CADPS: variants seen among roughly 807,000 people sequenced by gnomAD.
CADPS encodes the protein calcium-dependent secretion activator 1.
In CADPS, 57 loss-of-function variants were observed where a neutral mutation model predicts 167.3. The ratio of observed to expected loss-of-function variants is 0.34; its 90% confidence interval spans 0.28 to 0.42. The LOEUF is 0.42. Among genes scored for constraint, CADPS ranks in the 20% least tolerant of loss-of-function variants. The pLI is 1.00. For synonymous variants in CADPS, 676 were observed against 635.3 expected (o/e 1.06, Z -0.96); for missense variants, 1,414 against 1,738.1 (o/e 0.81, Z 3.32).
At chr3:62,827,590 A>C (rs1226696370) in intron 1 of CADPS, among the ~76,000 whole-genome samples, 2 of 151,738 alleles carry the variant, frequency 1.3e-5, no homozygotes, top group Non-Finnish European at 2.9e-5. Flanking sequence ...TGTTCTGCAG[A>C]TTTTCCAAGC....
intron 1 of CADPS, among the ~76,000 whole-genome samples, chr3:62,794,778 T>TAAAAAA (rs71126555): frequency 1.0e-5 from 1 of 99,930 alleles, no homozygotes. Context: ...CGCAAGGTGG[T>TAAAAAA]AAAAAAAAAA....
intron 1 of CADPS, among the ~76,000 whole-genome samples, chr3:62,787,883 T>C (rs1439428672): frequency 4.6e-5 from 7 of 152,208 alleles, no homozygotes; most frequent in Admixed American, 3.9e-4. Flanking sequence ...TGTTAGGTAC[T>C]ATTACGATAA....
rs1247997866 is a variant in CADPS at position 62,433,977 on chromosome 3, C to CCT, written c.3777+4125_3777+4126dup. Among the ~76,000 whole-genome samples the CCT allele has an allele frequency of 2.6e-5, 4 of 152,186 alleles. No homozygotes were observed. The highest frequency in any genetic ancestry group is 9.7e-5 in the African/African-American group (4 of 41,448). Reference sequence around the variant, plus strand: ...AAGTTATTTCTTGAGCTTGTGCTTTCCTCTGTAGCTGCTGCTTTAGGAATA... The same window carrying CCT: ...AAGTTATTTCTTGAGCTTGTGCTTTCCTCTCTGTAGCTGCTGCTTTAGGAATA... On this transcript the variant is annotated intron_variant, in intron 28 of 29. Transcript: ENST00000383710. The surrounding 1 kb of genome is among the most constrained non-coding windows in gnomAD (Gnocchi z 4.7).
chr3:62,554,304 G>A (rs577157693), intron 10 of CADPS, among the ~76,000 whole-genome samples: 120 of 152,238 alleles, frequency 7.9e-4, no homozygotes, highest in African/African-American at 2.7e-3. Flanking sequence ...AAATGAACAC[G>A]TCAAGGACCC....
intron 4 of CADPS, among the ~76,000 whole-genome samples, chr3:62,659,445 C>G (rs2072600474): frequency 6.6e-6 from 1 of 152,134 alleles, no homozygotes; most frequent in African/African-American, 2.4e-5. Flanking sequence ...GAGGGAAAAG[C>G]AGGTACATGG....
intron 21 of CADPS, among the ~76,000 whole-genome samples, 181 bp from the exon 22 acceptor site, chr3:62,482,050 G>A (rs576953911): frequency 6.6e-6 from 1 of 152,330 alleles, no homozygotes; most frequent in African/African-American, 2.4e-5. Flanking sequence ...TCTGTATCCA[G>A]AGAAATGACA....
intron 26 of CADPS, among the ~76,000 whole-genome samples, chr3:62,452,191 G>A (rs1337090767): frequency 6.6e-6 from 1 of 152,198 alleles, no homozygotes; most frequent in African/African-American, 2.4e-5. Flanking sequence ...GGCATGATCA[G>A]TTCAAAAGGC....
At chr3:62,530,037 A>G (rs1254593343) in intron 13 of CADPS, among the ~76,000 whole-genome samples, 2 of 152,206 alleles carry the variant, frequency 1.3e-5, no homozygotes, top group African/African-American at 4.8e-5. Context: ...GGACATAGGA[A>G]ACAGGACAGG....
At chr3:62,767,316 G>C (rs966106874) in intron 1 of CADPS, among the ~76,000 whole-genome samples, 1 of 152,156 alleles carries the variant, frequency 6.6e-6, no homozygotes, top group African/African-American at 2.4e-5. Flanking sequence ...ATTGACCTGA[G>C]AGTGAAGAGC....
intron 3 of CADPS, among the ~76,000 whole-genome samples, chr3:62,716,269 G>A (rs973792196): frequency 6.6e-6 from 1 of 151,910 alleles, no homozygotes; most frequent in Non-Finnish European, 1.5e-5. Context: ...GGCCAGGTTG[G>A]TCTCAAACTC....
intron 17 of CADPS, among the ~76,000 whole-genome samples, chr3:62,509,326 A>AATAAAAGAG (rs1306526409): frequency 1.8e-4 from 27 of 150,648 alleles, no homozygotes; most frequent in African/African-American, 6.3e-4. Flanking sequence ...GAAAGAAAGA[A>AATAAAAGAG]ATAAAAGAGA....
intron 6 of CADPS, among the ~76,000 whole-genome samples, chr3:62,622,243 G>C (rs1287033540): frequency 6.6e-6 from 1 of 152,146 alleles, no homozygotes; most frequent in Non-Finnish European, 1.5e-5. Flanking sequence ...ATGGGATGGA[G>C]TTCAATGTCT....
At chr3:62,426,002 C>T (rs1195615653) in intron 28 of CADPS, among the ~76,000 whole-genome samples, 1 of 152,198 alleles carries the variant, frequency 6.6e-6, no homozygotes, top group Admixed American at 6.5e-5. Flanking sequence ...GATACTGTGG[C>T]ACAACTGAGC....
At chr3:62,653,420 T>C (rs528847053) in intron 4 of CADPS, among the ~76,000 whole-genome samples, 4 of 152,268 alleles carry the variant, frequency 2.6e-5, no homozygotes, top group African/African-American at 7.2e-5. Context: ...ATTTTGAACT[T>C]CCCAGCCTCC....
chr3:62,662,255 G>A (rs2073420896), intron 4 of CADPS, 59 bp downstream of exon 4: 2 of 1,369,164 alleles, frequency 1.5e-6, no homozygotes, highest in Admixed American at 1.7e-5. Context: ...AATAATCAAT[G>A]TGCTTCCTGA....
intron 1 of CADPS, among the ~76,000 whole-genome samples, chr3:62,775,494 C>A (rs1045433256): frequency 6.6e-6 from 1 of 151,970 alleles, no homozygotes; most frequent in African/African-American, 2.4e-5. Flanking sequence ...CCACTGATAT[C>A]AAAAAAATCT....
chr3:62,599,539 ATT>A lies in CADPS; in HGVS notation c.1326-6793_1326-6792del, dbSNP rs1222079324. 6.0e-5 allele frequency among the ~76,000 whole-genome samples: 6 copies of A among 99,506 alleles called. No homozygotes were observed. In the East Asian group the frequency reaches 1.1e-3, roughly 18 times the overall value. The allele number at this position is 99,506 out of a possible 152,430, so 65.3% of individuals were successfully genotyped here. A position where few individuals can be genotyped will look rare whatever the true frequency, so the allele number is the denominator to read the frequency against. ...TATATATTACATATATATTATATATATTATATATAATATAAATTATATAATTA... is the reference window on the plus strand; with the variant it reads ...TATATATTACATATATATTATATATAATATATAATATAAATTATATAATTA... On this transcript the variant is annotated intron_variant, in intron 6 of 29. Coordinates refer to ENST00000383710, the MANE Select transcript of CADPS (RefSeq NM_003716.4).
intron 3 of CADPS, among the ~76,000 whole-genome samples, chr3:62,668,387 C>T (rs2074879776): frequency 6.6e-6 from 1 of 152,044 alleles, no homozygotes; most frequent in Non-Finnish European, 1.5e-5. Context: ...ACCACATCCT[C>T]CCCCAGTATG....
intron 3 of CADPS, among the ~76,000 whole-genome samples, chr3:62,698,309 G>A (rs1210724012): frequency 6.6e-6 from 1 of 152,038 alleles, no homozygotes; most frequent in Non-Finnish European, 1.5e-5. Context: ...ACTACATGAG[G>A]CATCCAGGAC....
Sources: allele counts gnomAD v4.1 joint callset (sites outside exome capture counted in the v4.1 genomes callset), GRCh38; gene constraint gnomAD v4.1.1; non-coding constraint Gnocchi (gnomAD v3.1); transcripts MANE v1.5; gene names NCBI Gene and HGNC (gene_info 2026-07-23, HGNC 2026-07-21).